The following STOX1 variants were observed in gnomAD, a reference collection of about 807,000 sequenced individuals.
STOX1 encodes the protein storkhead box 1.
STOX1 carries 57 observed loss-of-function variants against 74.8 expected under a neutral mutation model. The ratio of observed to expected loss-of-function variants is 0.76; its 90% CI spans 0.62 to 0.95. STOX1 has a LOEUF of 0.95. Ranked by LOEUF, STOX1 falls within the 40% of genes least tolerant of loss-of-function variation. The pLI, the probability that STOX1 is intolerant of heterozygous loss-of-function variation, is 0.00. For missense variants in STOX1, 1,010 were observed against 1,117.0 expected, an observed-to-expected ratio of 0.90 and a Z score of 1.37; for synonymous variants, 375 against 401.3, an observed-to-expected ratio of 0.93 and a Z score of 0.78.
chr10:68,860,399 C>T (rs1840234763), intron 1 of STOX1, among the ~76,000 whole-genome samples: 1 of 151,298 alleles, frequency 6.6e-6, no homozygotes, highest in African/African-American at 2.4e-5. Context: ...TGGTGAAACT[C>T]CATCTCTACT....
At chr10:68,856,354 A>C (rs936210602) in intron 1 of STOX1, among the ~76,000 whole-genome samples, 17 of 152,010 alleles carry the variant, frequency 1.1e-4, no homozygotes, top group Non-Finnish European at 1.9e-4. Flanking sequence ...GGGAGGCAGA[A>C]TGCAGGTGAC....
chr10:68,881,653 A>G (rs1264474805), intron 1 of STOX1, among the ~76,000 whole-genome samples: 1 of 152,242 alleles, frequency 6.6e-6, no homozygotes, highest in Non-Finnish European at 1.5e-5. Flanking sequence ...TATATTTAGT[A>G]TTTAAGTATT....
At chr10:68,877,210 GA>G (rs578123416) in intron 1 of STOX1, among the ~76,000 whole-genome samples, 13 of 152,130 alleles carry the variant, frequency 8.5e-5, no homozygotes, top group South Asian at 8.3e-4. Context: ...TTTAAGGGGG[GA>G]AAAAAGGCAA....
intron 1 of STOX1, among the ~76,000 whole-genome samples, chr10:68,850,963 C>A (rs76503989): frequency 9.6e-4 from 145 of 151,586 alleles, no homozygotes; most frequent in African/African-American, 3.2e-3. Context: ...CAGAGCGAGA[C>A]CGTGTCTCAA....
In STOX1 at chr10:68,827,572, C is replaced by T. The variant is rs1385607627; in HGVS notation, c.-52C>T. 9.2e-7 allele frequency: 1 copy of T among 1,090,132 alleles called. No individual in the cohort carries two copies. The highest frequency in any genetic ancestry group is 1.1e-6 in the Non-Finnish European group (1 of 892,490). The allele number at this position is 1,090,132 out of a possible 1,614,324, so 67.5% of individuals were successfully genotyped here. A position where few individuals can be genotyped will look rare whatever the true frequency, so the allele number is the denominator to read the frequency against. ...CCCGCCGAGCGAGCGGCGTCGTAGC[C>T]GCCGCGCTCGCCGAGGCCCTGCGTT... On this transcript the variant is annotated 5_prime_UTR_variant, in exon 1 of 4. Transcript: ENST00000298596.
intron 1 of STOX1, among the ~76,000 whole-genome samples, chr10:68,862,410 C>A (rs945675140): frequency 2.6e-5 from 4 of 152,008 alleles, no homozygotes; most frequent in African/African-American, 7.3e-5. Flanking sequence ...GGATGTCAAC[C>A]TTTAGATTGC....
intron 1 of STOX1, among the ~76,000 whole-genome samples, chr10:68,861,854 T>G (rs1331160893): frequency 6.6e-6 from 1 of 152,134 alleles, no homozygotes; most frequent in East Asian, 1.9e-4. Flanking sequence ...AAAGACAAAG[T>G]TTGTAGAGTG....
chr10:68,828,329 C>A (rs1264323326), intron 1 of STOX1: 3 of 1,108,050 alleles, frequency 2.7e-6, no homozygotes, highest in South Asian at 4.2e-5. Context: ...CGGAGCTCCG[C>A]GCTGCAGGGG....
chr10:68,850,086 C>G (rs918618304), intron 1 of STOX1, among the ~76,000 whole-genome samples: 2 of 152,124 alleles, frequency 1.3e-5, no homozygotes, highest in African/African-American at 4.8e-5. Flanking sequence ...GTGAGCTCGG[C>G]TCACTACAAC....
intron 1 of STOX1, among the ~76,000 whole-genome samples, chr10:68,832,678 G>C (rs1481211897): frequency 7.6e-6 from 1 of 130,868 alleles, no homozygotes; most frequent in African/African-American, 2.8e-5. Context: ...AAAAAAAAAA[G>C]AAAGCACCAA....
At chr10:68,842,877 G>T (rs1210338657) in intron 1 of STOX1, among the ~76,000 whole-genome samples, 1 of 151,982 alleles carries the variant, frequency 6.6e-6, no homozygotes, top group African/African-American at 2.4e-5. Context: ...TTAAGGATTA[G>T]GAGGTCCCTT....
intron 1 of STOX1, among the ~76,000 whole-genome samples, chr10:68,850,012 T>TTTTTTG (rs1171997511): frequency 2.6e-5 from 4 of 151,986 alleles, no homozygotes; most frequent in African/African-American, 7.2e-5. Flanking sequence ...CAGAGCTGTG[T>TTTTTTG]TTTTTGTTTT....
At chr10:68,857,332 C>T (rs920126503) in intron 1 of STOX1, among the ~76,000 whole-genome samples, 4 of 151,970 alleles carry the variant, frequency 2.6e-5, no homozygotes, top group East Asian at 1.9e-4. Flanking sequence ...TGCTTCCCTC[C>T]CCTCCTGAAA....
chr10:68,885,193 G>A lies in STOX1; in HGVS notation c.1397G>A (p.Ser466Asn). ...PATQPIPRIK[S>N]PNEMVGQKPL... The stretch of plus-strand genomic sequence containing the variant: ...ACACAGCCCATCCCCAGAATTAAAA[G>A]CCCAAATGAAATGGTAGGTCAGAAA... Residue 466 changes from serine to asparagine, a missense_variant, in exon 3 of 4, where the codon AGC (serine) becomes AAC (asparagine). Ser to Asn is a conservative substitution (Grantham distance 46, BLOSUM62 1). Coordinates refer to ENST00000298596, the MANE Select transcript of STOX1 (RefSeq NM_152709.5). 1 of 1,614,146 alleles carries A rather than the reference G, an allele frequency of 6.2e-7. No individual in the cohort carries two copies. The highest frequency in any genetic ancestry group is 8.5e-7 in the Non-Finnish European group (1 of 1,180,032).
intron 1 of STOX1, among the ~76,000 whole-genome samples, chr10:68,855,578 A>C (rs953292050): frequency 6.6e-6 from 1 of 151,862 alleles, no homozygotes; most frequent in African/African-American, 2.4e-5. Context: ...CTGGGACCTC[A>C]GATGTACACC....
chr10:68,842,896 C>A (rs948107289), intron 1 of STOX1, among the ~76,000 whole-genome samples: 1 of 152,182 alleles, frequency 6.6e-6, no homozygotes, highest in African/African-American at 2.4e-5. Flanking sequence ...TTGTGAAATT[C>A]TTTGTAAACC....
intron 1 of STOX1, among the ~76,000 whole-genome samples, chr10:68,860,447 G>A (rs972858758): frequency 1.3e-5 from 2 of 151,402 alleles, no homozygotes. Flanking sequence ...GCAGGAGCCT[G>A]TAATCCCAGC....
chr10:68,845,569 C>T (rs994786614), intron 1 of STOX1, among the ~76,000 whole-genome samples: 45 of 151,752 alleles, frequency 3.0e-4, no homozygotes, highest in Non-Finnish European at 5.3e-4. Context: ...CCACCGCGCC[C>T]GGCAACACCT....
At chr10:68,839,616 ATGG>A (rs1194496681) in intron 1 of STOX1, among the ~76,000 whole-genome samples, 2 of 152,190 alleles carry the variant, frequency 1.3e-5, no homozygotes, top group Admixed American at 1.3e-4. Context: ...CAGGCCGGGC[ATGG>A]TGGCTCACGC....
Sources: allele counts gnomAD v4.1 joint callset (sites outside exome capture counted in the v4.1 genomes callset), GRCh38; gene constraint gnomAD v4.1.1; transcripts MANE v1.5; gene names NCBI Gene and HGNC (gene_info 2026-07-23, HGNC 2026-07-21).